KRT28: variants seen among roughly 807,000 people sequenced by gnomAD.
KRT28 encodes keratin, type I cytoskeletal 28.
A neutral mutation model predicts 48.1 loss-of-function variants in KRT28; 45 were observed. That is an observed-to-expected ratio of 0.94 (90% confidence interval 0.74 to 1.20). The LOEUF is 1.20. Ranked by LOEUF, KRT28 falls within the 50% of genes most tolerant of loss-of-function variation. The probability of loss-of-function intolerance (pLI) is 0.00; values close to 1 mark genes in which losing one functional copy is unlikely to be tolerated. For synonymous variants in KRT28, 228 were observed against 227.4 expected, an observed-to-expected ratio of 1.00 and a Z score of -0.03; for missense variants, 571 against 574.1, an observed-to-expected ratio of 0.99 and a Z score of 0.06.
In KRT28 at chr17:40,799,699, G is replaced by A. The variant is rs111474643; in HGVS notation, c.195C>T (p.Ala65=). 1,344 of 1,613,798 alleles carry A rather than the reference G, an allele frequency of 8.3e-4. 12 individuals carry two copies. In the African/African-American group the frequency reaches 0.016, roughly 20 times the overall value. The change falls in exon 1 of 8, where the codon GCC becomes GCT. Residue 65 remains alanine, a synonymous_variant. Coordinates refer to ENST00000306658, the MANE Select transcript of KRT28 (RefSeq NM_181535.3). ...AGCCAATACAAGCAGCATTTCCAAGGGCACCACCAGCATGGCTCCCACCAG... is the reference window on the plus strand; with the variant it reads ...AGCCAATACAAGCAGCATTTCCAAGAGCACCACCAGCATGGCTCCCACCAG... ...SVPGGSHAGG[A]LGNAACIGFA...
chr17:40,796,312 C>T (rs1904612211), intron 5 of KRT28, among the ~76,000 whole-genome samples: 1 of 152,204 alleles, frequency 6.6e-6, no homozygotes, highest in African/African-American at 2.4e-5. Flanking sequence ...GCCATGCTGA[C>T]CTTTGAAGTA....
chr17:40,799,731 T>A lies in KRT28; in HGVS notation c.163A>T (p.Ser55Cys), dbSNP rs1904718146. The A allele has an allele frequency of 6.2e-7, 1 of 1,613,102 alleles. No individual in the cohort carries two copies. ...FSCALGGGLGSVPGGSHAGGA... is the reference protein window; with the variant it reads ...FSCALGGGLGCVPGGSHAGGA... ...CCAGCATGGCTCCCACCAGGAACAC[T>A]GCCCAAGCCCCCTCCCAAGGCACAG... is the stretch of plus-strand genomic sequence containing the variant. Residue 55 changes from serine (S) to cysteine (C), a missense_variant, in exon 1 of 8, where the codon AGT becomes TGT. Transcript: ENST00000306658.
chr17:40,793,049 G>A (rs1358352603), intron 7 of KRT28, 106 bp downstream of exon 7: 31 of 678,524 alleles, frequency 4.6e-5, no homozygotes, highest in Non-Finnish European at 7.0e-5. Flanking sequence ...GCAGTGAGCC[G>A]AGATAGCACC....
chr17:40,799,307 A>C (rs1362857971), intron 1 of KRT28, 137 bp downstream of exon 1: 1 of 752,490 alleles, frequency 1.3e-6, no homozygotes, highest in Non-Finnish European at 2.1e-6. Flanking sequence ...CCCATTTTTG[A>C]ATAGTAGGAA....
rs754046557 is a variant in KRT28, at chr17:40,797,033, C to T, written c.861G>A (p.Ser287=). 2 of 1,611,292 alleles carry T rather than the reference C, an allele frequency of 1.2e-6. No homozygotes were observed. Among genetic ancestry groups the T allele is most frequent in the African/African-American group, 2.7e-5 (2 of 74,912 alleles). ...AGTCGTGGGAGATCTGTTGCTGCAG[C>T]GAGGCGCTCTGTAGGGCCGGGAAAA... ...AEAWFNEKSA[S]LQQQISHDSG... is the part of the protein sequence containing the mutation. Residue 287 remains serine (S), a synonymous_variant, in exon 5 of 8, where the codon TCG becomes TCA. Transcript: ENST00000306658.
In KRT28 at chr17:40,793,863, C is replaced by G. The variant is rs1904548311; in HGVS notation, c.1162G>C (p.Glu388Gln). ...DVKVHLEKEIETYCRLIDGDG... is the reference protein window; with the variant it reads ...DVKVHLEKEIQTYCRLIDGDG... ...CCATCTATCAGGCGGCAGTAGGTCT[C>G]AATTTCTTTTTCCAAGTGGACCTTG... The change falls in exon 6 of 8, where the codon GAG (glutamate) becomes CAG (glutamine). Residue 388 changes from glutamate (E) to glutamine (Q), a missense_variant. Physicochemically the swap from Glu to Gln is conservative, Grantham distance 29. Coordinates refer to ENST00000306658, the MANE Select transcript of KRT28 (RefSeq NM_181535.3). 1 of 1,613,852 alleles carries G rather than the reference C, an allele frequency of 6.2e-7. No individual in the cohort carries two copies. Among genetic ancestry groups the G allele is most frequent in the East Asian group, 2.2e-5 (1 of 44,898 alleles).
At chr17:40,796,166 TC>T (rs1253302096) in intron 5 of KRT28, among the ~76,000 whole-genome samples, 1 of 152,212 alleles carries the variant, frequency 6.6e-6, no homozygotes, top group African/African-American at 2.4e-5. Flanking sequence ...CAACCTGGTG[TC>T]CTCAGGAGGC....
Position 40,797,038 on chromosome 17 carries a change from C to T in KRT28, c.856G>A (p.Ala286Thr), listed in dbSNP as rs17558995. Residue 286 changes from alanine to threonine, a missense_variant, in exon 5 of 8, where the codon GCC becomes ACC. Coordinates refer to ENST00000306658, the MANE Select transcript of KRT28 (RefSeq NM_181535.3). ...TGGGAGATCTGTTGCTGCAGCGAGG[C>T]GCTCTGTAGGGCCGGGAAAAAGGGT... ...DAEAWFNEKS[A>T]SLQQQISHDS... 4.3e-6 allele frequency: 7 copies of T among 1,610,790 alleles called. No individual in the cohort carries two copies. The highest frequency in any genetic ancestry group is 2.2e-5 in the East Asian group (1 of 44,864).
Position 40,792,585 on chromosome 17 carries a change from A to G in KRT28, c.1253-16T>C. ...TTGGATAAATCTAGAAATAAAACAT[A>G]GGCATACATATATTCAACCAAAAAG... On this transcript the variant is annotated splice_polypyrimidine_tract_variant and intron_variant, in intron 7 of 7. Transcript: ENST00000306658. 6.3e-7 allele frequency: 1 copy of G among 1,588,292 alleles called. No individual in the cohort carries two copies. Among genetic ancestry groups the G allele is most frequent in the East Asian group, 2.2e-5 (1 of 44,460 alleles).
intron 3 of KRT28, among the ~76,000 whole-genome samples, 190 bp from the exon 4 acceptor site, chr17:40,797,471 G>A (rs1336802825): frequency 6.6e-6 from 1 of 152,106 alleles, no homozygotes; most frequent in Non-Finnish European, 1.5e-5. Flanking sequence ...ACTGTTGACC[G>A]GGCGAGGTGG....
intron 2 of KRT28, 22 bp downstream of exon 2, chr17:40,798,895 A>C (rs776076378): frequency 1.3e-5 from 20 of 1,490,746 alleles, no homozygotes; most frequent in Non-Finnish European, 1.8e-5. Flanking sequence ...TTTCTAGAGC[A>C]GGATTTTCTT....
rs976922712 is a variant in KRT28, at chr17:40,792,457, G to A, written c.1365C>T (p.Asn455=). 23 of 1,612,942 alleles carry A rather than the reference G, an allele frequency of 1.4e-5. No individual in the cohort carries two copies. Among genetic ancestry groups the A allele is most frequent in the Admixed American group, 1.7e-5 (1 of 59,898 alleles). The part of the protein sequence containing the change: ...SIEEKTSKMT[N]GKTEQRVPF ...AAGGAACCCTTTGTTCTGTCTTGCC[G>A]TTGGTCATTTTAGATGTCTTTTCTT... The change falls in exon 8 of 8, where the codon AAC becomes AAT. Residue 455 remains asparagine, a synonymous_variant. Transcript: ENST00000306658.
intron 5 of KRT28, 108 bp from the exon 6 acceptor site, chr17:40,794,154 T>C (rs1339731342): frequency 4.3e-5 from 56 of 1,293,770 alleles, no homozygotes; most frequent in Non-Finnish European, 5.5e-5. Flanking sequence ...TTGTGGAAAT[T>C]TGTGAGGCTT....
rs1904663371 is a variant in KRT28, at chr17:40,798,284, TA to T, written c.640del (p.Tyr214MetfsTer4). ...TLCRTDQELQ[Y>X]ESLSEEMTYL... ...TGTCATCTCCTCACTCAGAGACTCA[TA>T]TTGCAGCTCCTGGTCGGTCCTGCAG... On this transcript the variant is annotated frameshift_variant, in exon 3 of 8. Transcript: ENST00000306658. LOFTEE classifies it high-confidence loss of function. The T allele has an allele frequency of 6.2e-7, 1 of 1,613,164 alleles. No individual in the cohort carries two copies. The highest frequency in any genetic ancestry group is 2.2e-5 in the East Asian group (1 of 44,874).
chr17:40,797,353 G>T, intron 3 of KRT28, 72 bp from the exon 4 acceptor site: 1 of 1,434,220 alleles, frequency 7.0e-7, no homozygotes, highest in Non-Finnish European at 9.5e-7. Context: ...TCTCAAACGT[G>T]TTACTTTATG....
Position 40,798,369 on chromosome 17 carries a change from G to A in KRT28, c.556C>T (p.His186Tyr), listed in dbSNP as rs1904667497. The change falls in exon 3 of 8, where the codon CAC becomes TAC. Residue 186 changes from histidine (H) to tyrosine (Y), a missense_variant. By Grantham distance (83) the His-to-Tyr change is moderately conservative. Coordinates refer to ENST00000306658, the MANE Select transcript of KRT28 (RefSeq NM_181535.3). ...TTGATGTCGGCCTCTACGTTTTGGTGAAGGGTGAGCTCATTTTCATACCTT... is the reference window on the plus strand; with the variant it reads ...TTGATGTCGGCCTCTACGTTTTGGTAAAGGGTGAGCTCATTTTCATACCTT... ...RLKYENELTL[H>Y]QNVEADINGL... The A allele has an allele frequency of 6.2e-7, 1 of 1,609,574 alleles. No individual in the cohort carries two copies. Among genetic ancestry groups the A allele is most frequent in the Admixed American group, 1.7e-5 (1 of 59,990 alleles).
rs1227249793 is a variant in KRT28, at chr17:40,799,456, A to G, written c.438T>C (p.Asp146=). Residue 146 remains aspartate, a synonymous_variant, in exon 1 of 8, where the codon GAT becomes GAC. Coordinates refer to ENST00000306658, the MANE Select transcript of KRT28 (RefSeq NM_181535.3). ...TGTGATTTCTCACCTTATTCTTAAG[A>G]TCCTCAATTGTTAGGTGATATCTGC... ...DYSRYHLTIE[D]LKNKIISSTT... is the part of the protein sequence containing the mutation. 3 of 1,601,944 alleles carry G rather than the reference A, an allele frequency of 1.9e-6. No homozygotes were observed. In the Admixed American group the frequency reaches 5.1e-5, roughly 27 times the overall value.
chr17:40,794,179 G>A, intron 5 of KRT28, 133 bp from the exon 6 acceptor site: 1 of 1,057,150 alleles, frequency 9.5e-7, no homozygotes, highest in Non-Finnish European at 1.4e-6. Context: ...CAATCAAATG[G>A]GAAAGAAAGG....
chr17:40,799,022 A>G, intron 1 of KRT28, 23 bp from the exon 2 acceptor site: 3 of 1,341,390 alleles, frequency 2.2e-6, no homozygotes, highest in Non-Finnish European at 3.2e-6. Context: ...AAAACAGAGA[A>G]CACAACAAGT....
Sources: allele counts gnomAD v4.1 joint callset (sites outside exome capture counted in the v4.1 genomes callset), GRCh38; gene constraint gnomAD v4.1.1; transcripts MANE v1.5; gene names NCBI Gene and HGNC (gene_info 2026-07-23, HGNC 2026-07-21).